The following NXN variants were observed in gnomAD, a reference collection of about 807,000 sequenced individuals.
NXN encodes the protein nucleoredoxin 1.
Under a neutral mutation model 48.6 loss-of-function variants are expected in NXN, and 16 were observed. The observed-to-expected ratio is 0.33, with a 90% CI of 0.22 to 0.50. The LOEUF (loss-of-function observed/expected upper bound fraction) is 0.50. Ranked by LOEUF, NXN falls within the 20% of genes least tolerant of loss-of-function variation. The pLI is 0.98. For synonymous variants in NXN, 281 were observed against 269.6 expected (o/e 1.04, Z -0.41); for missense variants, 492 against 605.5 (o/e 0.81, Z 1.97).
At chr17:857,620 C>T (rs747099338) in intron 1 of NXN, among the ~76,000 whole-genome samples, 48 of 152,128 alleles carry the variant, frequency 3.2e-4, no homozygotes, top group Non-Finnish European at 6.3e-4. Context: ...CTAAAACTAC[C>T]GTGAAACCTT....
intron 1 of NXN, among the ~76,000 whole-genome samples, chr17:854,501 A>G (rs2067963704): frequency 6.6e-6 from 1 of 151,516 alleles, no homozygotes; most frequent in South Asian, 2.1e-4. Context: ...AAAAAATACA[A>G]AAAATTAGCC....
intron 5 of NXN, among the ~76,000 whole-genome samples, chr17:809,991 CGTGT>C (rs1911839679): frequency 1.5e-5 from 2 of 130,240 alleles, no homozygotes; most frequent in African/African-American, 3.0e-5. Flanking sequence ...CTGTGAGTGG[CGTGT>C]ACGTTACGAG....
At position 888,250 on chromosome 17, in the gene NXN, G is replaced by C. The variant is rs1006327606; in HGVS notation, c.361-62172C>G. On this transcript the variant is annotated intron_variant, in intron 1 of 7. Transcript: ENST00000336868. ...CTTTACTTCTTTGAGACAGGGCCTCGCTCTGTTCCTCAGGCTGGAGTGCAG... is the reference window on the plus strand; with the variant it reads ...CTTTACTTCTTTGAGACAGGGCCTCCCTCTGTTCCTCAGGCTGGAGTGCAG... Among the ~76,000 whole-genome samples, 4 of 152,266 alleles carry C rather than the reference G, an allele frequency of 2.6e-5. No individual in the cohort carries two copies. In the South Asian group the frequency reaches 6.2e-4, roughly 24 times the overall value.
At chr17:853,654 G>A (rs967539236) in intron 1 of NXN, among the ~76,000 whole-genome samples, 16 of 148,800 alleles carry the variant, frequency 1.1e-4, no homozygotes, top group Admixed American at 1.0e-3. Flanking sequence ...ACATGTCCAA[G>A]CCCTAGTACT....
At chr17:944,187 C>T (rs369497244) in intron 1 of NXN, among the ~76,000 whole-genome samples, 15 of 151,948 alleles carry the variant, frequency 9.9e-5, no homozygotes, top group East Asian at 9.7e-4. Context: ...TGCAGTGAGC[C>T]GAGATGGCGC....
rs1055163191 is a variant in NXN, at chr17:956,242, G to A, written c.360+23077C>T. Reference sequence around the variant, plus strand: ...ATTCATTCTTTCTTTCAATAAACACGGTGCCAAGTATTTACTAATAAGAGG... The same window carrying A: ...ATTCATTCTTTCTTTCAATAAACACAGTGCCAAGTATTTACTAATAAGAGG... On this transcript the variant is annotated intron_variant, in intron 1 of 7. Transcript: ENST00000336868. This position sits in a 1 kb window ranked among gnomAD's most constrained non-coding sequence, Gnocchi z 4.1. Among the ~76,000 whole-genome samples the A allele has an allele frequency of 7.9e-5, 12 of 152,006 alleles. No homozygotes were observed. In the East Asian group the frequency reaches 9.7e-4, roughly 12 times the overall value.
At chr17:936,282 C>A (rs577199149) in intron 1 of NXN, among the ~76,000 whole-genome samples, 17 of 151,984 alleles carry the variant, frequency 1.1e-4, no homozygotes, top group Non-Finnish European at 2.2e-4. Flanking sequence ...AGAAACGTCC[C>A]CTGCGACAAA....
At chr17:974,528 T>G (rs552222484) in intron 1 of NXN, among the ~76,000 whole-genome samples, 1 of 152,194 alleles carries the variant, frequency 6.6e-6, no homozygotes, top group South Asian at 2.1e-4. Context: ...GCCAGGCACG[T>G]GTATATTATC....
At chr17:822,667 G>A (rs1473619851) in intron 3 of NXN, among the ~76,000 whole-genome samples, 1 of 152,140 alleles carries the variant, frequency 6.6e-6, no homozygotes, top group Non-Finnish European at 1.5e-5. Context: ...GGCCAGCCTG[G>A]GCAACACAGC....
At position 823,678 on chromosome 17, in the gene NXN, C is replaced by T. The variant is rs1912939896; in HGVS notation, c.566G>A (p.Ser189Asn). The T allele has an allele frequency of 6.2e-7, 1 of 1,614,152 alleles. No individual in the cohort carries two copies. Among genetic ancestry groups the T allele is most frequent in the African/African-American group, 1.3e-5 (1 of 75,046 alleles). Residue 189 changes from serine to asparagine, a missense_variant, in exon 3 of 8, where the codon AGC (serine) becomes AAC (asparagine). Ser to Asn is a conservative substitution (Grantham distance 46, BLOSUM62 1). Coordinates refer to ENST00000336868, the MANE Select transcript of NXN (RefSeq NM_022463.5). ...GCCCACGTGAGACCCCTCCAGGCTG[C>T]TGCTCTCCAGAGACTGCCCATTGTT... ...LRNNGQSLES[S>N]SLEGSHVGVY...
intron 1 of NXN, among the ~76,000 whole-genome samples, chr17:884,054 TA>T (rs557724256): frequency 6.6e-6 from 1 of 151,188 alleles, no homozygotes; most frequent in African/African-American, 2.4e-5. Context: ...CTGTCTCTAC[TA>T]AAAAAAATAC....
intron 1 of NXN, among the ~76,000 whole-genome samples, chr17:950,459 G>T (rs2069096168): frequency 6.6e-6 from 1 of 151,460 alleles, no homozygotes. Flanking sequence ...GGGTGTGTGG[G>T]GTGCAAACGG....
chr17:931,200 T>A (rs928550845), intron 1 of NXN, among the ~76,000 whole-genome samples: 7 of 151,532 alleles, frequency 4.6e-5, no homozygotes, highest in African/African-American at 1.7e-4. Flanking sequence ...GGTGGGAGAA[T>A]TGCCTGAGCC....
intron 1 of NXN, among the ~76,000 whole-genome samples, chr17:922,039 A>T (rs1033832696): frequency 2.0e-5 from 3 of 152,248 alleles, no homozygotes. Context: ...ACCCTTTGGT[A>T]GTAGACTGGG....
intron 1 of NXN, among the ~76,000 whole-genome samples, chr17:957,872 C>T (rs944918114): frequency 6.6e-6 from 1 of 152,164 alleles, no homozygotes; most frequent in Non-Finnish European, 1.5e-5. Flanking sequence ...CAGTCAGCTT[C>T]TCAGTCTTCA....
At chr17:918,323 C>T (rs866788695) in intron 1 of NXN, among the ~76,000 whole-genome samples, 37 of 152,062 alleles carry the variant, frequency 2.4e-4, no homozygotes, top group African/African-American at 7.5e-4. Flanking sequence ...GAGGAAAAGG[C>T]GGGAGGGTCG....
At chr17:952,096 T>G (rs1000481203) in intron 1 of NXN, among the ~76,000 whole-genome samples, 1 of 151,792 alleles carries the variant, frequency 6.6e-6, no homozygotes, top group Non-Finnish European at 1.5e-5. Flanking sequence ...GTTTTTGTGG[T>G]CTGAGAAACT....
chr17:901,997 G>A (rs902180916), intron 1 of NXN, among the ~76,000 whole-genome samples: 2 of 151,928 alleles, frequency 1.3e-5, no homozygotes, highest in African/African-American at 4.8e-5. Context: ...ACCGCACCCG[G>A]CCTCAGCTTG....
intron 1 of NXN, among the ~76,000 whole-genome samples, chr17:841,437 AGCAGGTCCCCCTGACCACGGC>A (rs1914215586): frequency 3.0e-5 from 1 of 33,300 alleles, no homozygotes; most frequent in South Asian, 1.0e-3. Flanking sequence ...CACACGGGCG[AGCAGGTCCCCCTGACCACGGC>A]GCATCTCACA....
Sources: gnomAD v4.1 joint callset for allele counts (sites outside exome capture counted in the v4.1 genomes callset) on GRCh38, gnomAD v4.1.1 for gene constraint, Gnocchi (gnomAD v3.1) non-coding constraint, MANE v1.5 for transcripts, NCBI Gene and HGNC (gene_info 2026-07-23, HGNC 2026-07-21) for gene names.